The following CNTNAP2 variants were observed in gnomAD, a reference collection of about 807,000 sequenced individuals.
CNTNAP2 encodes the protein contactin-associated protein-like 2.
In CNTNAP2, 98 loss-of-function variants were observed where a neutral mutation model predicts 155.2. That is an observed-to-expected ratio of 0.63 (90% CI 0.54 to 0.75). CNTNAP2 has a LOEUF of 0.75. Ranked by LOEUF, CNTNAP2 falls within the 30% of genes least tolerant of loss-of-function variation. The pLI is 0.00. For synonymous variants in CNTNAP2, 651 were observed against 631.2 expected (o/e 1.03, Z -0.47); for missense variants, 1,727 against 1,688.1 (o/e 1.02, Z -0.40).
At position 148,277,052 on chromosome 7, in the gene CNTNAP2, A is replaced by G. The variant is rs115812029; in HGVS notation, c.3475+9926A>G. ...ATGAATAAAAATGTTCAGTTTCTCGAAGAGCCTTTCCCGTCCTCTGCTTCT... is the reference window on the plus strand; with the variant it reads ...ATGAATAAAAATGTTCAGTTTCTCGGAGAGCCTTTCCCGTCCTCTGCTTCT... On this transcript the variant is annotated intron_variant, in intron 21 of 23. Coordinates refer to ENST00000361727, the MANE Select transcript of CNTNAP2 (RefSeq NM_014141.6). Among the ~76,000 whole-genome samples the G allele has an allele frequency of 4.6e-3, 698 of 152,268 alleles. 11 individuals are homozygous for G. Among genetic ancestry groups the G allele is most frequent in the African/African-American group, 0.016 (664 of 41,554 alleles).
intron 3 of CNTNAP2, among the ~76,000 whole-genome samples, chr7:147,000,780 A>C (rs1286508053): frequency 6.6e-6 from 1 of 152,122 alleles, no homozygotes. Flanking sequence ...CTAGTGCAGC[A>C]GTGGGTCATG....
At chr7:146,984,157 C>A (rs191011657) in intron 3 of CNTNAP2, among the ~76,000 whole-genome samples, 1 of 151,902 alleles carries the variant, frequency 6.6e-6, no homozygotes, top group Admixed American at 6.6e-5. Flanking sequence ...CAACTGAGGT[C>A]GGGAGTTCGA....
At chr7:146,648,284 AG>A (rs1419147512) in intron 1 of CNTNAP2, among the ~76,000 whole-genome samples, 7 of 152,166 alleles carry the variant, frequency 4.6e-5, no homozygotes, top group Admixed American at 3.3e-4. Context: ...CCAAGCATAT[AG>A]GGGGTGAGAA....
In CNTNAP2 at chr7:147,056,066, G is replaced by A. The variant is rs142634177; in HGVS notation, c.550+12012G>A. Among the ~76,000 whole-genome samples, 87 of 152,188 alleles carry A rather than the reference G, an allele frequency of 5.7e-4. 2 individuals are homozygous for A. In the East Asian group the frequency reaches 0.013, roughly 23 times the overall value. On this transcript the variant is annotated intron_variant, in intron 4 of 23. Transcript: ENST00000361727. ...TTGTGTAAATTTGATTTAACAATCCGAATTTAATATCACCGTATAGGTTGC... is the reference window on the plus strand; with the variant it reads ...TTGTGTAAATTTGATTTAACAATCCAAATTTAATATCACCGTATAGGTTGC...
At chr7:146,394,643 T>C (rs1187614726) in intron 1 of CNTNAP2, among the ~76,000 whole-genome samples, 1 of 152,154 alleles carries the variant, frequency 6.6e-6, no homozygotes, top group Non-Finnish European at 1.5e-5. Context: ...TATCTCCCCA[T>C]GAATAATAAA....
chr7:147,806,233 GA>G (rs777221797), intron 13 of CNTNAP2, among the ~76,000 whole-genome samples: 20 of 152,032 alleles, frequency 1.3e-4, no homozygotes, highest in Non-Finnish European at 2.8e-4. Context: ...ACAGGTATGT[GA>G]AAAAATGCTC....
chr7:146,859,969 T>G (rs538462924), intron 3 of CNTNAP2, among the ~76,000 whole-genome samples: 38 of 152,208 alleles, frequency 2.5e-4, no homozygotes, highest in African/African-American at 9.1e-4. Context: ...AGGAAGAGGA[T>G]CAATTGCTTT....
intron 1 of CNTNAP2, among the ~76,000 whole-genome samples, chr7:146,419,812 C>T (rs759486168): frequency 6.6e-6 from 1 of 152,084 alleles, no homozygotes; most frequent in Non-Finnish European, 1.5e-5. Flanking sequence ...TTATTTTGAA[C>T]ACTGAACTTC....
chr7:146,451,977 C>T (rs188332259), intron 1 of CNTNAP2, among the ~76,000 whole-genome samples: 4,870 of 151,098 alleles, frequency 0.032, 196 homozygotes, highest in African/African-American at 0.091. Context: ...GGCGCGATCT[C>T]GACTCACTGC....
chr7:148,002,314 C>T (rs892916899), intron 15 of CNTNAP2, among the ~76,000 whole-genome samples: 2 of 152,032 alleles, frequency 1.3e-5, no homozygotes, highest in East Asian at 3.9e-4. Context: ...CTTCATAAAG[C>T]TTTGATAGAC....
At chr7:147,940,299 T>C in intron 14 of CNTNAP2, 2 of 31,658 alleles carry the variant, frequency 6.3e-5, no homozygotes, top group South Asian at 1.5e-3. Context: ...AGACCCTGTC[T>C]CTTTAAAAAA....
At chr7:146,132,286 G>A (rs573231646) in intron 1 of CNTNAP2, among the ~76,000 whole-genome samples, 1 of 152,246 alleles carries the variant, frequency 6.6e-6, no homozygotes, top group South Asian at 2.1e-4. Context: ...GGAGGTTGGT[G>A]TATAAAGAGT....
chr7:146,428,430 A>G (rs927232374), intron 1 of CNTNAP2, among the ~76,000 whole-genome samples: 4 of 151,954 alleles, frequency 2.6e-5, no homozygotes, highest in African/African-American at 9.7e-5. Context: ...ACTTTTTAAT[A>G]GTAACCATTC....
intron 12 of CNTNAP2, among the ~76,000 whole-genome samples, chr7:147,567,558 AGAG>A (rs1800197411): frequency 1.3e-5 from 2 of 152,170 alleles, no homozygotes; most frequent in Non-Finnish European, 2.9e-5. Context: ...ATAAAGTAAA[AGAG>A]GAGGAGATTG....
At chr7:147,416,362 G>A (rs1479847) in intron 10 of CNTNAP2, among the ~76,000 whole-genome samples, 18,756 of 152,092 alleles carry the variant, frequency 0.12, 1,420 homozygotes, top group East Asian at 0.32. Context: ...CAATCTTGGT[G>A]GCTGTCAAGC....
At chr7:146,633,850 A>AAAAAAAAAAAAAAAAAAAG (rs1799552902) in intron 1 of CNTNAP2, among the ~76,000 whole-genome samples, 1 of 150,600 alleles carries the variant, frequency 6.6e-6, no homozygotes, top group African/African-American at 2.5e-5. Flanking sequence ...AAAAAAAAAA[A>AAAAAAAAAAAAAAAAAAAG]AAAAAACAGA....
chr7:146,254,129 GCA>G (rs3050025), intron 1 of CNTNAP2, among the ~76,000 whole-genome samples: 8,288 of 144,686 alleles, frequency 0.057, 278 homozygotes, highest in African/African-American at 0.094. Context: ...ATTGCTACTT[GCA>G]CACACACACA....
intron 3 of CNTNAP2, among the ~76,000 whole-genome samples, chr7:146,907,782 T>C (rs1796171233): frequency 6.7e-6 from 1 of 149,636 alleles, no homozygotes; most frequent in Non-Finnish European, 1.5e-5. Flanking sequence ...AATGACAGGA[T>C]CAAATTCACA....
intron 21 of CNTNAP2, among the ~76,000 whole-genome samples, chr7:148,381,121 AG>A (rs1799049226): frequency 6.6e-6 from 1 of 152,252 alleles, no homozygotes; most frequent in African/African-American, 2.4e-5. Context: ...AACTCTGTGC[AG>A]GCTCCGTGGC....
Sources: allele counts gnomAD v4.1 joint callset (sites outside exome capture counted in the v4.1 genomes callset), GRCh38; gene constraint gnomAD v4.1.1; transcripts MANE v1.5; gene names NCBI Gene and HGNC (gene_info 2026-07-23, HGNC 2026-07-21).